DROSHA: variants seen among roughly 807,000 people sequenced by gnomAD.
DROSHA encodes ribonuclease 3.
In DROSHA, 56 loss-of-function variants were observed where a neutral mutation model predicts 181.9. That is an observed-to-expected ratio of 0.31 (90% CI 0.25 to 0.38). DROSHA has a LOEUF of 0.38. Ranked by LOEUF, DROSHA falls within the 10% of genes least tolerant of loss-of-function variation. The probability of loss-of-function intolerance (pLI) is 1.00; values close to 1 mark genes in which losing one functional copy is unlikely to be tolerated. For missense variants in DROSHA, 1,218 were observed against 1,743.5 expected (o/e 0.70, Z 5.37); for synonymous variants, 524 against 591.2 (o/e 0.89, Z 1.65).
At chr5:31,438,765 A>T (rs1403095251) in intron 23 of DROSHA, among the ~76,000 whole-genome samples, 1 of 152,214 alleles carries the variant, frequency 6.6e-6, no homozygotes, top group East Asian at 1.9e-4. Context: ...ATATGACACC[A>T]CTTGAGAGGA....
At chr5:31,405,767 CTTTTTTTTTTTTT>C (rs67380927) in intron 34 of DROSHA, 44 bp from the exon 35 acceptor site, 10 of 469,338 alleles carry the variant, frequency 2.1e-5, no homozygotes, top group South Asian at 5.8e-5. Flanking sequence ...TTTCAAGATT[CTTTTTTTTTTTTT>C]TTTTTTTTTT....
intron 14 of DROSHA, 59 bp downstream of exon 14, chr5:31,486,432 T>A: frequency 6.5e-7 from 1 of 1,540,688 alleles, no homozygotes; most frequent in Non-Finnish European, 8.9e-7. Context: ...TTTAAAATAG[T>A]AGTATGGAAC....
chr5:31,420,457 CAG>C (rs1267581545), intron 30 of DROSHA, among the ~76,000 whole-genome samples: 1 of 152,150 alleles, frequency 6.6e-6, no homozygotes. Flanking sequence ...AGAGTAAAAA[CAG>C]TACGCAACAA....
In DROSHA at chr5:31,445,994, A is replaced by C. The variant is rs146461680; in HGVS notation, c.2882+2553T>G. Among the ~76,000 whole-genome samples, 85 of 152,334 alleles carry C rather than the reference A, an allele frequency of 5.6e-4. No individual in the cohort carries two copies. In the East Asian group the frequency reaches 0.015, roughly 27 times the overall value. ...GAAGTAAAACTACTGCTATTTGTAGATGATATTATTTCAAAAATAACAAAA... is the reference window on the plus strand; with the variant it reads ...GAAGTAAAACTACTGCTATTTGTAGCTGATATTATTTCAAAAATAACAAAA... On this transcript the variant is annotated intron_variant, in intron 23 of 35. Transcript: ENST00000344624.
Position 31,508,734 on chromosome 5 carries a change from T to A in DROSHA, c.1474A>T (p.Thr492Ser), listed in dbSNP as rs1182934007. 2.5e-6 allele frequency: 4 copies of A among 1,613,690 alleles called. No individual in the cohort carries two copies. The Admixed American group carries it at 6.7e-5, about 27-fold the overall frequency. ...TCAGAGTCTGAGCTGCTAGAACAGG[T>A]GCTGTCCTCATCAGACTCACACTCG... ...ESECESDEDS[T>S]CSSSSDSEVF... Residue 492 changes from threonine to serine, a missense_variant, in exon 10 of 36, where the codon ACC becomes TCC. Physicochemically the swap from Thr to Ser is moderately conservative, Grantham distance 58. This residue lies in a region of DROSHA where 460 missense variants were observed against 774.2 expected (regional missense o/e 0.59). Transcript: ENST00000344624.
At chr5:31,526,018 T>C (rs1580392492) in intron 5 of DROSHA, 61 bp downstream of exon 5, 6 of 1,456,622 alleles carry the variant, frequency 4.1e-6, no homozygotes, top group South Asian at 1.5e-5. Context: ...TTGTCATAAA[T>C]GGAGAATGAC....
At chr5:31,463,909 T>C (rs573279873) in intron 20 of DROSHA, among the ~76,000 whole-genome samples, 230 of 152,234 alleles carry the variant, frequency 1.5e-3, no homozygotes, top group African/African-American at 5.2e-3. Context: ...TAAGCACCTA[T>C]ACATGTGCTG....
chr5:31,521,142 C>G lies in DROSHA; in HGVS notation c.928G>C (p.Glu310Gln). 2 of 1,613,628 alleles carry G rather than the reference C, an allele frequency of 1.2e-6. No individual in the cohort carries two copies. Among genetic ancestry groups the G allele is most frequent in the Non-Finnish European group, 1.7e-6 (2 of 1,179,638 alleles). Residue 310 changes from glutamate to glutamine, a missense_variant, in exon 6 of 36, where the codon GAG becomes CAG. Around this residue, in one of 8 missense-constraint regions of DROSHA, gnomAD observed 536 missense variants for 535.4 expected, o/e 1.00. Coordinates refer to ENST00000344624, the MANE Select transcript of DROSHA (RefSeq NM_001382508.1). The stretch of plus-strand genomic sequence containing the variant: ...GCTTACCTTCCAGATCTCTTATACT[C>G]TTTTTTGTAGGACCTTTCCAGAGAT... ...SPSLERSYKK[E>Q]YKRSGRSYGL...
intron 13 of DROSHA, among the ~76,000 whole-genome samples, chr5:31,491,133 C>A (rs1272806507): frequency 1.3e-5 from 2 of 151,168 alleles, no homozygotes; most frequent in African/African-American, 2.4e-5. Context: ...CTCACTAAAA[C>A]CCCAAGCATT....
chr5:31,435,364 T>A (rs1744665351), intron 25 of DROSHA, among the ~76,000 whole-genome samples: 1 of 152,232 alleles, frequency 6.6e-6, no homozygotes, highest in African/African-American at 2.4e-5. Flanking sequence ...TGTAATATTC[T>A]GTTCAAAGCT....
intron 35 of DROSHA, 66 bp downstream of exon 35, chr5:31,405,611 T>A (rs1292801960): frequency 1.5e-5 from 21 of 1,391,628 alleles, no homozygotes; most frequent in Non-Finnish European, 2.0e-5. Context: ...TTCTCCTTCC[T>A]CATTTCCTTT....
At position 31,444,519 on chromosome 5, in the gene DROSHA, G is replaced by C. The variant is rs139085903; in HGVS notation, c.2882+4028C>G. ...AGAGCAAAAGAAAACATAAATCATGGGGTTCAAATGACATTATCAAAAGAC... is the reference window on the plus strand; with the variant it reads ...AGAGCAAAAGAAAACATAAATCATGCGGTTCAAATGACATTATCAAAAGAC... On this transcript the variant is annotated intron_variant, in intron 23 of 35. Transcript: ENST00000344624. Among the ~76,000 whole-genome samples, 1,470 of 152,202 alleles carry C rather than the reference G, an allele frequency of 9.7e-3. 9 individuals are homozygous for C. Among genetic ancestry groups the C allele is most frequent in the Non-Finnish European group, 0.013 (913 of 68,020 alleles).
rs75945042 is a variant in DROSHA, at chr5:31,519,929, G to A, written c.947+1194C>T. ...AAAACATTTGCTAATATCCTAATTC[G>A]TGTTTTTATATCCATATTTGTAAGA... On this transcript the variant is annotated intron_variant, in intron 6 of 35. Coordinates refer to ENST00000344624, the MANE Select transcript of DROSHA (RefSeq NM_001382508.1). Among the ~76,000 whole-genome samples the A allele has an allele frequency of 2.9e-3, 444 of 152,084 alleles. 2 individuals are homozygous for A. Among genetic ancestry groups the A allele is most frequent in the African/African-American group, 0.01 (421 of 41,504 alleles).
In DROSHA at chr5:31,530,882, TCA is replaced by T. The variant is rs1391318205; in HGVS notation, c.-133_-132del. ...CAGCTCCTTGATGATATGGGTTGATTCACAGTCATTTCTGTATCCTTCACATC... is the reference window on the plus strand; with the variant it reads ...CAGCTCCTTGATGATATGGGTTGATTCAGTCATTTCTGTATCCTTCACATC... On this transcript the variant is annotated 5_prime_UTR_variant, in exon 3 of 36. The change abolishes the stop of an existing upstream ORF in the 5' untranslated region. Coordinates refer to ENST00000344624, the MANE Select transcript of DROSHA (RefSeq NM_001382508.1). The T allele has an allele frequency of 1.0e-5, 4 of 398,460 alleles. No homozygotes were observed. The highest frequency in any genetic ancestry group is 2.1e-5 in the African/African-American group (1 of 48,606). 24.7% of individuals were successfully genotyped at this position (398,460 alleles called of 1,614,324 possible). A position where few individuals can be genotyped will look rare whatever the true frequency, so the allele number is the denominator to read the frequency against.
intron 20 of DROSHA, among the ~76,000 whole-genome samples, chr5:31,463,713 A>G (rs1748684858): frequency 6.6e-6 from 1 of 152,182 alleles, no homozygotes; most frequent in East Asian, 1.9e-4. Flanking sequence ...CAGAAATGTT[A>G]CTCTATTGCG....
At chr5:31,529,867 C>T (rs1294670250) in intron 3 of DROSHA, among the ~76,000 whole-genome samples, 1 of 151,954 alleles carries the variant, frequency 6.6e-6, no homozygotes, top group Non-Finnish European at 1.5e-5. Flanking sequence ...TCTTAATTTT[C>T]ATTCTCAGTT....
intron 16 of DROSHA, among the ~76,000 whole-genome samples, chr5:31,475,069 G>A (rs892306302): frequency 6.6e-6 from 1 of 152,206 alleles, no homozygotes. Flanking sequence ...TGTAATCCCA[G>A]CACTTTGAGG....
chr5:31,499,436 G>A (rs542571717), intron 11 of DROSHA, among the ~76,000 whole-genome samples: 1 of 152,260 alleles, frequency 6.6e-6, no homozygotes, highest in Admixed American at 6.5e-5. Flanking sequence ...CAATGAAGAT[G>A]CCATCACTGG....
At chr5:31,521,026 G>A in intron 6 of DROSHA, 97 bp downstream of exon 6, 2 of 1,177,822 alleles carry the variant, frequency 1.7e-6, no homozygotes, top group Non-Finnish European at 2.5e-6. Context: ...AGACTCTGAG[G>A]CCATTATGAA....
Sources: gnomAD v4.1 joint callset for allele counts (sites outside exome capture counted in the v4.1 genomes callset) on GRCh38, gnomAD v4.1.1 for gene constraint, gnomAD v4.1.1 regional missense constraint, MANE v1.5 for transcripts, NCBI Gene and HGNC (gene_info 2026-07-23, HGNC 2026-07-21) for gene names.